SLC22A15: variants seen among roughly 807,000 people sequenced by gnomAD.
SLC22A15 encodes the protein solute carrier family 22 member 15.
Under a neutral mutation model 62.7 loss-of-function variants are expected in SLC22A15, and 45 were observed. That is an observed-to-expected ratio of 0.72 (90% CI 0.56 to 0.92). SLC22A15 has a LOEUF of 0.92. Ranked by LOEUF, SLC22A15 falls within the 40% of genes least tolerant of loss-of-function variation. SLC22A15 has a pLI of 0.00. For missense variants in SLC22A15, 622 were observed against 665.6 expected, an observed-to-expected ratio of 0.93 and a Z score of 0.72; for synonymous variants, 264 against 267.0, an observed-to-expected ratio of 0.99 and a Z score of 0.11.
intron 8 of SLC22A15, among the ~76,000 whole-genome samples, chr1:116,042,370 A>G (rs145159238): frequency 3.0e-3 from 460 of 152,130 alleles, no homozygotes; most frequent in African/African-American, 0.01. Context: ...TGAAAAAAAT[A>G]CAGTAGATGA....
intron 4 of SLC22A15, among the ~76,000 whole-genome samples, chr1:116,021,168 G>A (rs1301915847): frequency 6.6e-6 from 1 of 152,174 alleles, no homozygotes; most frequent in Non-Finnish European, 1.5e-5. Flanking sequence ...TCCTCGGAAG[G>A]ACACTAGCAA....
At position 116,067,859 on chromosome 1, in the gene SLC22A15, C is replaced by T. The variant is rs1296641689; in HGVS notation, c.*751C>T. ...TATTGTATGATTTCTTCCTTTCCCA[C>T]TAATATGCACATCCAGAAAAATTTC... On this transcript the variant is annotated 3_prime_UTR_variant, in exon 12 of 12. Coordinates refer to ENST00000369503, the MANE Select transcript of SLC22A15 (RefSeq NM_018420.3). The T allele has an allele frequency of 6.6e-6, 1 of 152,128 alleles. No homozygotes were observed. Among genetic ancestry groups the T allele is most frequent in the African/African-American group, 2.4e-5 (1 of 41,422 alleles). The allele number at this position is 152,128 out of a possible 1,614,324, so 9.4% of individuals were successfully genotyped here.
At position 116,069,908 on chromosome 1, in the gene SLC22A15, C is replaced by T. The variant is rs989594871; in HGVS notation, c.*2800C>T. On this transcript the variant is annotated 3_prime_UTR_variant, in exon 12 of 12. Coordinates refer to ENST00000369503, the MANE Select transcript of SLC22A15 (RefSeq NM_018420.3). ...GTCACTACTGTATCAGAATTAAAAA[C>T]CAGCTTCACATTAGGACTTCTCCAT... 2 of 152,106 alleles carry T rather than the reference C, an allele frequency of 1.3e-5. No individual in the cohort carries two copies. The highest frequency in any genetic ancestry group is 2.4e-5 in the African/African-American group (1 of 41,436). 9.4% of individuals were successfully genotyped at this position (152,106 alleles called of 1,614,324 possible).
At chr1:116,048,773 T>A (rs1032033809) in intron 8 of SLC22A15, among the ~76,000 whole-genome samples, 2 of 152,208 alleles carry the variant, frequency 1.3e-5, no homozygotes, top group South Asian at 2.1e-4. Context: ...TGAATGTAAA[T>A]GGCCTAACTG....
chr1:115,976,833 G>GGT (rs1413451827), intron 1 of SLC22A15, 119 bp downstream of exon 1: 1 of 747,428 alleles, frequency 1.3e-6, no homozygotes, highest in Non-Finnish European at 2.1e-6. Context: ...CAAACACCGA[G>GGT]GTGTGGCGAG....
chr1:115,979,239 T>C (rs1248859265), intron 1 of SLC22A15, among the ~76,000 whole-genome samples: 1 of 152,248 alleles, frequency 6.6e-6, no homozygotes, highest in Non-Finnish European at 1.5e-5. Flanking sequence ...GAATTATTGG[T>C]ACCATCATGT....
intron 8 of SLC22A15, among the ~76,000 whole-genome samples, chr1:116,057,555 G>T (rs1658247332): frequency 6.6e-6 from 1 of 152,144 alleles, no homozygotes; most frequent in African/African-American, 2.4e-5. Context: ...TCCCATTACT[G>T]GGTATATACC....
At chr1:115,984,397 T>G (rs1370765489) in intron 1 of SLC22A15, among the ~76,000 whole-genome samples, 2 of 152,210 alleles carry the variant, frequency 1.3e-5, no homozygotes, top group Non-Finnish European at 2.9e-5. Flanking sequence ...TGTGCTCTCA[T>G]GAACTTCATT....
In SLC22A15 at chr1:116,069,385, A is replaced by G. The variant is rs2101586699; in HGVS notation, c.*2277A>G. 6.6e-6 allele frequency: 1 copy of G among 152,326 alleles called. No individual in the cohort carries two copies. The highest frequency in any genetic ancestry group is 1.5e-5 in the Non-Finnish European group (1 of 68,026). 9.4% of individuals were successfully genotyped at this position (152,326 alleles called of 1,614,324 possible). Reference sequence around the variant, plus strand: ...GTATATGTGTATATTTGCATTGATTAAATTATTGGAAAACTTTTCATTGAC... The same window carrying G: ...GTATATGTGTATATTTGCATTGATTGAATTATTGGAAAACTTTTCATTGAC... On this transcript the variant is annotated 3_prime_UTR_variant, in exon 12 of 12. Coordinates refer to ENST00000369503, the MANE Select transcript of SLC22A15 (RefSeq NM_018420.3).
intron 2 of SLC22A15, 105 bp downstream of exon 2, chr1:115,992,348 CTTTCTAGTAAATTTAAAAGTT>C: frequency 1.0e-6 from 1 of 991,612 alleles, no homozygotes; most frequent in Non-Finnish European, 1.5e-6. Context: ...TTTCAAATAA[CTTTCTAGTAAATTTAAAAGTT>C]AAAGGTTTTA....
chr1:116,025,718 G>A (rs192183194), intron 4 of SLC22A15, among the ~76,000 whole-genome samples: 7 of 152,278 alleles, frequency 4.6e-5, no homozygotes, highest in South Asian at 2.1e-4. Flanking sequence ...TCATTTAACC[G>A]CTCTGAGCTA....
intron 2 of SLC22A15, among the ~76,000 whole-genome samples, chr1:116,013,168 C>G (rs1228881217): frequency 6.6e-6 from 1 of 152,104 alleles, no homozygotes; most frequent in African/African-American, 2.4e-5. Context: ...TGGGGGCAGC[C>G]CAGTCGTAAG....
chr1:116,055,542 T>C (rs1312226855), intron 8 of SLC22A15, among the ~76,000 whole-genome samples: 3 of 148,402 alleles, frequency 2.0e-5, no homozygotes, highest in African/African-American at 7.5e-5. Context: ...GGAATCCTCC[T>C]TAAGTCATTT....
In SLC22A15 at chr1:116,033,559, G is replaced by GTA. The variant is rs1423326763; in HGVS notation, c.945-1627_945-1626insAT. 1.7e-4 allele frequency among the ~76,000 whole-genome samples: 13 copies of GTA among 75,270 alleles called. No individual in the cohort carries two copies. In the East Asian group the frequency reaches 4.8e-3, roughly 28 times the overall value. 49.4% of individuals were successfully genotyped at this position (75,270 alleles called of 152,430 possible). ...GCTTGATTTAAATAGGGGTGTCTCT[G>GTA]TGTGTGTGTGTGTGTGTGTGTGTGT... On this transcript the variant is annotated intron_variant, in intron 6 of 11. Coordinates refer to ENST00000369503, the MANE Select transcript of SLC22A15 (RefSeq NM_018420.3).
intron 2 of SLC22A15, among the ~76,000 whole-genome samples, chr1:116,002,392 G>GTGA (rs2101147411): frequency 6.6e-6 from 1 of 152,190 alleles, no homozygotes; most frequent in South Asian, 2.1e-4. Context: ...TAGTCAGTGG[G>GTGA]TGATTACTCC....
rs1658580652 is a variant in SLC22A15, at chr1:116,069,986, C to T, written c.*2878C>T. 6.6e-6 allele frequency: 1 copy of T among 152,156 alleles called. No homozygotes were observed. Among genetic ancestry groups the T allele is most frequent in the South Asian group, 2.1e-4 (1 of 4,834 alleles). 9.4% of individuals were successfully genotyped at this position (152,156 alleles called of 1,614,324 possible). A position where few individuals can be genotyped will look rare whatever the true frequency, so the allele number is the denominator to read the frequency against. On this transcript the variant is annotated 3_prime_UTR_variant, in exon 12 of 12. Coordinates refer to ENST00000369503, the MANE Select transcript of SLC22A15 (RefSeq NM_018420.3). ...TTGGAAAAATATCTATAAATGATTA[C>T]ATTTTTAAGCTAAATAAAATGCAGA...
In SLC22A15 at chr1:115,976,591, G is replaced by A. The variant is rs1210653854; in HGVS notation, c.-37G>A. 1.3e-6 allele frequency: 2 copies of A among 1,507,176 alleles called. No homozygotes were observed. Among genetic ancestry groups the A allele is most frequent in the South Asian group, 1.2e-5 (1 of 86,154 alleles). 93.4% of individuals were successfully genotyped at this position (1,507,176 alleles called of 1,614,324 possible). On this transcript the variant is annotated 5_prime_UTR_variant, in exon 1 of 12. Transcript: ENST00000369503. Reference sequence around the variant, plus strand: ...TGGGCGGGAGGGCAGCGCCTGAGAGGGCGGTGGGGTGGCGGGGTTCCTGCG... The same window carrying A: ...TGGGCGGGAGGGCAGCGCCTGAGAGAGCGGTGGGGTGGCGGGGTTCCTGCG...
intron 8 of SLC22A15, among the ~76,000 whole-genome samples, chr1:116,057,862 A>T (rs1658257278): frequency 6.6e-6 from 1 of 152,134 alleles, no homozygotes; most frequent in Non-Finnish European, 1.5e-5. Flanking sequence ...AACAATGAGA[A>T]CACATGGACA....
intron 6 of SLC22A15, among the ~76,000 whole-genome samples, chr1:116,033,583 G>GTGTGTA (rs373257822): frequency 0.61 from 88,493 of 145,544 alleles, 28,576 homozygotes; most frequent in South Asian, 0.73. Flanking sequence ...GTGTGTGTGT[G>GTGTGTA]TGTGTATGTG....
Sources: gnomAD v4.1 joint callset for allele counts (sites outside exome capture counted in the v4.1 genomes callset) on GRCh38, gnomAD v4.1.1 for gene constraint, MANE v1.5 for transcripts, NCBI Gene and HGNC (gene_info 2026-07-23, HGNC 2026-07-21) for gene names.